The following MYO1F variants were observed in gnomAD, a reference collection of about 807,000 sequenced individuals.
MYO1F encodes unconventional myosin-If.
Under a neutral mutation model 146.6 loss-of-function variants are expected in MYO1F, and 60 were observed. That is an observed-to-expected ratio of 0.41 (90% CI 0.33 to 0.51). The LOEUF (loss-of-function observed/expected upper bound fraction) is 0.51, where lower values mean the gene tolerates loss of function less well. Among genes scored for constraint, MYO1F ranks in the 20% least tolerant of loss-of-function variants. The pLI is 0.25. For synonymous variants in MYO1F, 602 were observed against 602.1 expected (o/e 1.00, Z 0.00); for missense variants, 1,274 against 1,534.3 (o/e 0.83, Z 2.83).
chr19:8,571,755 G>A (rs1235457932), intron 1 of MYO1F, among the ~76,000 whole-genome samples: 1 of 152,008 alleles, frequency 6.6e-6, no homozygotes, highest in Non-Finnish European at 1.5e-5. Flanking sequence ...CCGCCACCAC[G>A]CCTGGGTAAT....
chr19:8,538,371 A>G (rs1972819133), intron 16 of MYO1F, among the ~76,000 whole-genome samples: 1 of 151,644 alleles, frequency 6.6e-6, no homozygotes, highest in Non-Finnish European at 1.5e-5. Flanking sequence ...GCTCACTGCA[A>G]CCTCCATCTC....
At chr19:8,542,129 C>T (rs1476053874) in intron 14 of MYO1F, 138 bp from the exon 15 acceptor site, 7 of 696,530 alleles carry the variant, frequency 1.0e-5, no homozygotes, top group Admixed American at 2.0e-5. Context: ...GTGTCTACAG[C>T]GCTGGCTGGG....
intron 1 of MYO1F, among the ~76,000 whole-genome samples, chr19:8,566,926 T>C (rs1435166724): frequency 6.6e-6 from 1 of 151,946 alleles, no homozygotes; most frequent in African/African-American, 2.4e-5. Context: ...ATCCTCTTGC[T>C]TCAGCCTATG....
intron 1 of MYO1F, among the ~76,000 whole-genome samples, chr19:8,565,778 T>C (rs908663950): frequency 4.6e-5 from 7 of 150,964 alleles, no homozygotes; most frequent in Admixed American, 1.3e-4. Context: ...ATAACAACAA[T>C]AGAAAACAAT....
At chr19:8,541,823 G>A in intron 15 of MYO1F, 83 bp downstream of exon 15, 1 of 1,267,738 alleles carries the variant, frequency 7.9e-7, no homozygotes, top group Non-Finnish European at 1.1e-6. Flanking sequence ...TGGCAGTTCT[G>A]GGTAAGATGG....
At position 8,530,303 on chromosome 19, in the gene MYO1F, C is replaced by T. The variant is rs776629967; in HGVS notation, c.2221G>A (p.Gly741Arg). 1.2e-6 allele frequency: 2 copies of T among 1,614,106 alleles called. No individual in the cohort carries two copies. The highest frequency in any genetic ancestry group is 1.7e-5 in the Admixed American group (1 of 59,996). The change falls in exon 21 of 28, where the codon GGG (glycine) becomes AGG (arginine). Residue 741 changes from glycine to arginine, a missense_variant. By Grantham distance (125) the Gly-to-Arg change is moderately radical. Transcript: ENST00000644032. The surrounding 1 kb of genome is among the most constrained non-coding windows in gnomAD (Gnocchi z 5.8). ...RRNSINRNFV[G>R]DYLGLEERPE... is the part of the protein sequence containing the mutation. ...CGCTCCTCCAGCCCCAGGTAGTCCC[C>T]GACGAAGTTCCGATTGATGCTGTTG...
At chr19:8,525,199 CAAAAAA>C in intron 25 of MYO1F, 28 of 75,038 alleles carry the variant, frequency 3.7e-4, no homozygotes, top group South Asian at 1.5e-3. Context: ...GACTCCATCT[CAAAAAA>C]AAAAAAAAAA....
chr19:8,555,787 C>G lies in MYO1F; in HGVS notation c.13G>C (p.Glu5Gln). The part of the protein sequence containing the change: MGSK[E>Q]RFHWQSHNVK... ...TTGTGGCTCTGCCAGTGGAAGCGCT[C>G]CTTGCTGCCCTGGGGGGTGAGAGGG... The change falls in exon 2 of 28, where the codon GAG becomes CAG. Residue 5 changes from glutamate to glutamine, a missense_variant. Coordinates refer to ENST00000644032, the MANE Select transcript of MYO1F (RefSeq NM_012335.4). The G allele has an allele frequency of 6.2e-7, 1 of 1,613,094 alleles. No homozygotes were observed. Among genetic ancestry groups the G allele is most frequent in the East Asian group, 2.2e-5 (1 of 44,852 alleles).
At chr19:8,557,430 T>C (rs1600016648) in intron 1 of MYO1F, among the ~76,000 whole-genome samples, 1 of 152,212 alleles carries the variant, frequency 6.6e-6, no homozygotes, top group African/African-American at 2.4e-5. Flanking sequence ...GCCTCCTGGG[T>C]AGCTGGGACT....
At chr19:8,533,237 C>T (rs763800282) in intron 19 of MYO1F, among the ~76,000 whole-genome samples, 59 of 151,968 alleles carry the variant, frequency 3.9e-4, no homozygotes, top group African/African-American at 1.2e-3. Flanking sequence ...CCATGTTGTC[C>T]AGACTCGTCT....
chr19:8,535,585 T>A (rs1972669807), intron 19 of MYO1F, among the ~76,000 whole-genome samples: 1 of 152,094 alleles, frequency 6.6e-6, no homozygotes, highest in African/African-American at 2.4e-5. Context: ...CTAGTTTTAT[T>A]TTGCCTTTTT....
intron 1 of MYO1F, among the ~76,000 whole-genome samples, chr19:8,570,674 C>CG (rs2042092380): frequency 6.6e-6 from 1 of 150,452 alleles, no homozygotes; most frequent in Non-Finnish European, 1.5e-5. Flanking sequence ...CACCCAACCA[C>CG]ATTTTTTTTT....
At position 8,552,156 on chromosome 19, in the gene MYO1F, G is replaced by A; in HGVS notation, c.513C>T (p.Tyr171=). The A allele has an allele frequency of 6.2e-7, 1 of 1,614,122 alleles. No individual in the cohort carries two copies. The highest frequency in any genetic ancestry group is 1.1e-5 in the South Asian group (1 of 91,082). Residue 171 remains tyrosine (Y), a synonymous_variant, in exon 7 of 28, where the codon TAC becomes TAT. Coordinates refer to ENST00000644032, the MANE Select transcript of MYO1F (RefSeq NM_012335.4). ...CACCTCGGCTGAACTGGATCTCAAAGTACTTGCCCTGAATCCGAGAGAACC... is the reference window on the plus strand; with the variant it reads ...CACCTCGGCTGAACTGGATCTCAAAATACTTGCCCTGAATCCGAGAGAACC... ...RNNNSSRFGK[Y]FEIQFSRGGE... is the part of the protein sequence containing the mutation.
At chr19:8,532,950 A>ACACACACACAC (rs1568337821) in intron 19 of MYO1F, among the ~76,000 whole-genome samples, 3 of 140,460 alleles carry the variant, frequency 2.1e-5, no homozygotes, top group African/African-American at 5.4e-5. Flanking sequence ...ACACACACAC[A>ACACACACACAC]ATTGGGCTTT....
chr19:8,536,666 G>GTCCCTGGTCTGTGTGCACCTCCA, intron 17 of MYO1F, 69 bp from the exon 18 acceptor site: 1 of 716,738 alleles, frequency 1.4e-6, no homozygotes, highest in East Asian at 3.3e-5. Flanking sequence ...GGTGGGAGGT[G>GTCCCTGGTCTGTGTGCACCTCCA]CTGGAGGTGG....
chr19:8,565,280 C>T (rs973624810), intron 1 of MYO1F, among the ~76,000 whole-genome samples: 2 of 151,982 alleles, frequency 1.3e-5, no homozygotes, highest in Non-Finnish European at 2.9e-5. Context: ...CAGTAGCTCA[C>T]GCCTGTAATC....
rs1408579667 is a variant in MYO1F, at chr19:8,577,108, C to CA, written c.3+198dup. 1.5e-6 allele frequency: 1 copy of CA among 673,480 alleles called. No homozygotes were observed. Among genetic ancestry groups the CA allele is most frequent in the African/African-American group, 1.8e-5 (1 of 56,298 alleles). 41.7% of individuals were successfully genotyped at this position (673,480 alleles called of 1,614,324 possible). A position where few individuals can be genotyped will look rare whatever the true frequency, so the allele number is the denominator to read the frequency against. On this transcript the variant is annotated intron_variant, in intron 1 of 27. Transcript: ENST00000644032. The surrounding 1 kb of genome is among the most constrained non-coding windows in gnomAD (Gnocchi z 4.3). The stretch of plus-strand genomic sequence containing the variant: ...TCCAGGGATACCACCCTGGCATCCC[C>CA]ACCACCTACAGATGGGAGCTTGCTC...
At chr19:8,561,824 C>G (rs1385827074) in intron 1 of MYO1F, among the ~76,000 whole-genome samples, 4 of 151,600 alleles carry the variant, frequency 2.6e-5, no homozygotes, top group Admixed American at 1.3e-4. Flanking sequence ...TCAAACGATT[C>G]TTCTGCCTCA....
At chr19:8,568,356 GAGCTTGC>G (rs1315958502) in intron 1 of MYO1F, among the ~76,000 whole-genome samples, 1 of 145,536 alleles carries the variant, frequency 6.9e-6, no homozygotes, top group African/African-American at 2.6e-5. Flanking sequence ...CTGGGAGGCG[GAGCTTGC>G]AGTGAGCTGA....
Sources: gnomAD v4.1 joint callset for allele counts (sites outside exome capture counted in the v4.1 genomes callset) on GRCh38, gnomAD v4.1.1 for gene constraint, Gnocchi (gnomAD v3.1) non-coding constraint, MANE v1.5 for transcripts, NCBI Gene and HGNC (gene_info 2026-07-23, HGNC 2026-07-21) for gene names.